TBC1D8: variants seen among roughly 807,000 people sequenced by gnomAD.
TBC1D8 encodes BUB2-like protein 1.
A neutral mutation model predicts 118.8 loss-of-function variants in TBC1D8; 65 were observed. That is an observed-to-expected ratio of 0.55 (90% confidence interval 0.45 to 0.67). The LOEUF (loss-of-function observed/expected upper bound fraction) is 0.67, where lower values mean the gene tolerates loss of function less well. Ranked by LOEUF, TBC1D8 falls within the 30% of genes least tolerant of loss-of-function variation. TBC1D8 has a pLI of 0.00. For missense variants in TBC1D8, 1,376 were observed against 1,471.2 expected (o/e 0.94, Z 1.06); for synonymous variants, 566 against 595.8 (o/e 0.95, Z 0.73).
chr2:101,017,359 C>A (rs1026161194), intron 17 of TBC1D8, among the ~76,000 whole-genome samples: 1 of 152,092 alleles, frequency 6.6e-6, no homozygotes, highest in African/African-American at 2.4e-5. Flanking sequence ...ATTATCATTA[C>A]CCAGTATTAG....
At chr2:101,110,801 T>C (rs1309180480) in intron 1 of TBC1D8, among the ~76,000 whole-genome samples, 1 of 151,478 alleles carries the variant, frequency 6.6e-6, no homozygotes, top group Admixed American at 6.6e-5. Flanking sequence ...TGAAACCCCA[T>C]CTCTACAAAA....
At chr2:101,053,566 T>C (rs963755902) in intron 4 of TBC1D8, among the ~76,000 whole-genome samples, 2 of 152,232 alleles carry the variant, frequency 1.3e-5, no homozygotes, top group Non-Finnish European at 2.9e-5. Context: ...CAATACACAA[T>C]TGACACTTGT....
At chr2:101,116,275 A>C (rs1010103127) in intron 1 of TBC1D8, among the ~76,000 whole-genome samples, 1 of 152,188 alleles carries the variant, frequency 6.6e-6, no homozygotes, top group African/African-American at 2.4e-5. Context: ...AGTCCAAGGA[A>C]GTCACAAAAG....
intron 2 of TBC1D8, among the ~76,000 whole-genome samples, chr2:101,071,214 C>T (rs1426984234): frequency 4.0e-5 from 6 of 151,890 alleles, no homozygotes; most frequent in South Asian, 4.2e-4. Flanking sequence ...TGGTGGTGGG[C>T]GCCTATTATA....
chr2:101,100,777 A>T (rs1453915685), intron 1 of TBC1D8, among the ~76,000 whole-genome samples: 1 of 152,172 alleles, frequency 6.6e-6, no homozygotes, highest in East Asian at 1.9e-4. Flanking sequence ...TGACAAAAAT[A>T]AGCAATCGGG....
intron 5 of TBC1D8, among the ~76,000 whole-genome samples, chr2:101,043,897 G>A (rs1681539198): frequency 6.6e-6 from 1 of 152,088 alleles, no homozygotes; most frequent in South Asian, 2.1e-4. Flanking sequence ...CTGAGATCGT[G>A]CCATTGCACT....
chr2:101,008,961 T>G (rs907145144), intron 19 of TBC1D8, among the ~76,000 whole-genome samples: 4 of 152,174 alleles, frequency 2.6e-5, no homozygotes, highest in Admixed American at 2.0e-4. Context: ...AGGACCTAAA[T>G]GTAAAATGAA....
intron 5 of TBC1D8, among the ~76,000 whole-genome samples, chr2:101,041,142 A>G (rs1681362219): frequency 6.6e-6 from 1 of 152,238 alleles, no homozygotes; most frequent in South Asian, 2.1e-4. Flanking sequence ...AAGCTCTGCA[A>G]AAGGCTAAAA....
chr2:101,084,718 C>T (rs185028726), intron 2 of TBC1D8, among the ~76,000 whole-genome samples: 1 of 152,258 alleles, frequency 6.6e-6, no homozygotes, highest in East Asian at 1.9e-4. Context: ...GAGACTGCCC[C>T]TCACACACAC....
intron 3 of TBC1D8, among the ~76,000 whole-genome samples, chr2:101,057,318 A>G (rs1013491695): frequency 6.6e-6 from 1 of 152,208 alleles, no homozygotes; most frequent in African/African-American, 2.4e-5. Context: ...AGGAATCTAC[A>G]TAACAAACCT....
chr2:101,030,839 G>A (rs1680628986), intron 11 of TBC1D8, among the ~76,000 whole-genome samples: 1 of 152,228 alleles, frequency 6.6e-6, no homozygotes, highest in African/African-American at 2.4e-5. Context: ...CAACAATGTG[G>A]CTGCCTCTTA....
chr2:101,029,532 G>A lies in TBC1D8; in HGVS notation c.2181C>T (p.Cys727=), dbSNP rs747420091. The part of the protein sequence containing the change: ...AVLEANAEDL[C]SSKDDGQALM... ...AGGCCTGGCCATCATCCTTGCTGCT[G>A]CACAGGTCCTCAGCATTGGCCTCAA... is the stretch of plus-strand genomic sequence containing the variant. The change falls in exon 12 of 20, where the codon TGC becomes TGT. Residue 727 remains cysteine, a synonymous_variant. Transcript: ENST00000409318. 1.2e-6 allele frequency: 2 copies of A among 1,613,982 alleles called. No homozygotes were observed. The highest frequency in any genetic ancestry group is 1.7e-6 in the Non-Finnish European group (2 of 1,179,882).
chr2:101,030,069 C>A (rs908577450), intron 11 of TBC1D8: 3 of 262,124 alleles, frequency 1.1e-5, no homozygotes, highest in Non-Finnish European at 2.2e-5. Context: ...CTGAAATAGA[C>A]CATAGACCTA....
intron 2 of TBC1D8, among the ~76,000 whole-genome samples, chr2:101,073,096 G>C (rs140402673): frequency 1.1e-3 from 171 of 152,134 alleles, no homozygotes; most frequent in African/African-American, 3.9e-3. Context: ...AGGATTTTCA[G>C]AATGGTCAGT....
chr2:101,017,870 G>T, intron 17 of TBC1D8: 1 of 1,550,824 alleles, frequency 6.4e-7, no homozygotes, highest in Non-Finnish European at 8.7e-7. Context: ...TCTTCAAAAC[G>T]ATGATCTCTT....
At chr2:101,052,273 A>T (rs1287034482) in intron 4 of TBC1D8, among the ~76,000 whole-genome samples, 1 of 152,226 alleles carries the variant, frequency 6.6e-6, no homozygotes, top group African/African-American at 2.4e-5. Context: ...TAAAAAAGTA[A>T]CATAGTACAA....
chr2:101,079,355 TA>T (rs944747031), intron 2 of TBC1D8, among the ~76,000 whole-genome samples: 15 of 152,196 alleles, frequency 9.9e-5, no homozygotes, highest in African/African-American at 3.6e-4. Flanking sequence ...ATTCCAGGCT[TA>T]AAAATTGGTT....
chr2:101,141,098 A>G (rs1679079290), intron 1 of TBC1D8, among the ~76,000 whole-genome samples: 1 of 152,092 alleles, frequency 6.6e-6, no homozygotes, highest in South Asian at 2.1e-4. Context: ...TTAGCTGTCA[A>G]CTTTCAGAAG....
At chr2:101,143,878 C>G (rs1195698240) in intron 1 of TBC1D8, among the ~76,000 whole-genome samples, 3 of 152,326 alleles carry the variant, frequency 2.0e-5, no homozygotes, top group East Asian at 3.9e-4. Flanking sequence ...GTAGTCCTAA[C>G]AGCTGGGCTG....
Sources: gnomAD v4.1 joint callset for allele counts (sites outside exome capture counted in the v4.1 genomes callset) on GRCh38, gnomAD v4.1.1 for gene constraint, MANE v1.5 for transcripts, NCBI Gene and HGNC (gene_info 2026-07-23, HGNC 2026-07-21) for gene names.